PUM1: variants seen among roughly 807,000 people sequenced by gnomAD.
PUM1 encodes the protein pumilio RNA binding family member 1, also known as pumilio homolog 1.
PUM1 carries 13 observed loss-of-function variants against 131.8 expected under a neutral mutation model. The ratio of observed to expected loss-of-function variants is 0.10; its 90% CI spans 0.06 to 0.16. The LOEUF (loss-of-function observed/expected upper bound fraction) is 0.16. Among genes scored for constraint, PUM1 ranks in the 10% least tolerant of loss-of-function variants. PUM1 has a pLI of 1.00. For missense variants in PUM1, 961 were observed against 1,512.4 expected (o/e 0.64, Z 6.05); for synonymous variants, 509 against 556.5 (o/e 0.91, Z 1.20).
At chr1:30,936,860 A>C (rs1639228670) in intron 20 of PUM1, 25 bp from the exon 21 acceptor site, 1 of 1,560,894 alleles carries the variant, frequency 6.4e-7, no homozygotes, top group African/African-American at 1.4e-5. Context: ...AACCAGGGAC[A>C]ACTCTTACAA....
chr1:31,043,187 ACT>A (rs1461071835), intron 2 of PUM1, among the ~76,000 whole-genome samples: 1 of 151,020 alleles, frequency 6.6e-6, no homozygotes, highest in Admixed American at 6.6e-5. Context: ...GACTCAATAA[ACT>A]CTAACAAATT....
intron 2 of PUM1, among the ~76,000 whole-genome samples, chr1:31,034,639 A>G (rs1434587984): frequency 2.0e-5 from 3 of 152,196 alleles, no homozygotes; most frequent in Non-Finnish European, 4.4e-5. Context: ...GCCCACATAT[A>G]TATTTCTTGC....
chr1:31,056,777 C>T (rs1469916253), intron 2 of PUM1, among the ~76,000 whole-genome samples: 1 of 151,656 alleles, frequency 6.6e-6, no homozygotes, highest in Non-Finnish European at 1.5e-5. Context: ...CAGGCATGTG[C>T]CCCCACGCCC....
intron 2 of PUM1, among the ~76,000 whole-genome samples, chr1:31,045,564 CAT>C (rs1352591608): frequency 6.6e-6 from 1 of 152,108 alleles, no homozygotes; most frequent in Non-Finnish European, 1.5e-5. Context: ...GCCTGGGCAA[CAT>C]GAGACCCCAT....
At chr1:31,042,067 G>C (rs1248646947) in intron 2 of PUM1, among the ~76,000 whole-genome samples, 1 of 152,104 alleles carries the variant, frequency 6.6e-6, no homozygotes, top group African/African-American at 2.4e-5. Context: ...GACTTTGGGA[G>C]GCCGAGGCAG....
chr1:31,004,477 G>A (rs1642328051), intron 5 of PUM1, among the ~76,000 whole-genome samples: 1 of 152,166 alleles, frequency 6.6e-6, no homozygotes, highest in Non-Finnish European at 1.5e-5. Flanking sequence ...AAAGAGGTGA[G>A]CTGGGGATAG....
At chr1:31,019,170 T>C (rs960627805) in intron 3 of PUM1, among the ~76,000 whole-genome samples, 1 of 152,056 alleles carries the variant, frequency 6.6e-6, no homozygotes, top group African/African-American at 2.4e-5. Context: ...CTGGCCAATA[T>C]GGTGAAACCC....
At chr1:31,004,639 A>G (rs2124507002) in intron 5 of PUM1, among the ~76,000 whole-genome samples, 1 of 152,306 alleles carries the variant, frequency 6.6e-6, no homozygotes, top group Non-Finnish European at 1.5e-5. Flanking sequence ...AAACACTGAA[A>G]AGCAATCAGG....
intron 3 of PUM1, among the ~76,000 whole-genome samples, chr1:31,027,186 G>A (rs1643255028): frequency 1.3e-5 from 2 of 152,106 alleles, no homozygotes; most frequent in South Asian, 4.1e-4. Context: ...GCTCATGCCT[G>A]TAATCTCAAC....
intron 14 of PUM1, among the ~76,000 whole-genome samples, chr1:30,956,078 G>C (rs891057838): frequency 1.3e-5 from 2 of 152,154 alleles, no homozygotes; most frequent in Non-Finnish European, 2.9e-5. Context: ...CTTGACTCCA[G>C]GGTCAAGGCC....
intron 5 of PUM1, among the ~76,000 whole-genome samples, chr1:31,000,727 G>T (rs1642178778): frequency 6.6e-6 from 1 of 152,084 alleles, no homozygotes; most frequent in Non-Finnish European, 1.5e-5. Flanking sequence ...TTTTATACCT[G>T]CTTGACACAC....
chr1:31,037,002 CAT>C (rs1216984671), intron 2 of PUM1: 2 of 172,596 alleles, frequency 1.2e-5, no homozygotes, highest in African/African-American at 4.7e-5. Context: ...ACTGGCTTCA[CAT>C]AGTTTTTTGT....
chr1:30,966,422 C>T, intron 12 of PUM1, 144 bp from the exon 13 acceptor site: 1 of 766,892 alleles, frequency 1.3e-6, no homozygotes, highest in Non-Finnish European at 2.0e-6. Context: ...TCTTTGATCC[C>T]TTCATATGAA....
intron 3 of PUM1, among the ~76,000 whole-genome samples, chr1:31,028,550 C>T (rs980793818): frequency 6.6e-6 from 1 of 152,136 alleles, no homozygotes; most frequent in African/African-American, 2.4e-5. Flanking sequence ...CATTAATATT[C>T]AATAATTTGT....
At chr1:31,055,235 G>GT in intron 2 of PUM1, 1 of 425,634 alleles carries the variant, frequency 2.3e-6, no homozygotes, top group African/African-American at 2.0e-5. Context: ...CCTTAGCACA[G>GT]CTGCCTATCA....
chr1:31,055,528 C>G (rs1167646394), intron 2 of PUM1: 1 of 365,440 alleles, frequency 2.7e-6, no homozygotes, highest in South Asian at 2.1e-5. Flanking sequence ...TACCAACTAC[C>G]CTGAGTTCCC....
intron 1 of PUM1, among the ~76,000 whole-genome samples, chr1:31,062,780 A>G (rs1644398560): frequency 6.6e-6 from 1 of 152,216 alleles, no homozygotes; most frequent in Admixed American, 6.5e-5. Context: ...TCAAAAACAC[A>G]TGAATAACAA....
At chr1:31,049,295 C>T (rs1438100982) in intron 2 of PUM1, among the ~76,000 whole-genome samples, 1 of 152,122 alleles carries the variant, frequency 6.6e-6, no homozygotes, top group African/African-American at 2.4e-5. Flanking sequence ...GCAGGTGGAT[C>T]ACTTGAGGTC....
rs542145041 is a variant in PUM1, at chr1:30,981,747, T to C, written c.1159-342A>G. ...TATATATCTATCTATATATCTCATATATATGCATTCAAAAGCCCTAAAGAT... is the reference window on the plus strand; with the variant it reads ...TATATATCTATCTATATATCTCATACATATGCATTCAAAAGCCCTAAAGAT... On this transcript the variant is annotated intron_variant, in intron 7 of 21. Coordinates refer to ENST00000426105, the MANE Select transcript of PUM1 (RefSeq NM_001020658.2). Among the ~76,000 whole-genome samples the C allele has an allele frequency of 7.6e-4, 115 of 152,248 alleles. 1 individual carries two copies. The highest frequency in any genetic ancestry group is 2.6e-3 in the African/African-American group (109 of 41,548).
Sources: allele counts gnomAD v4.1 joint callset (sites outside exome capture counted in the v4.1 genomes callset), GRCh38; gene constraint gnomAD v4.1.1; transcripts MANE v1.5; gene names NCBI Gene and HGNC (gene_info 2026-07-23, HGNC 2026-07-21).